The following SLC44A1 variants were observed in gnomAD, a reference collection of about 807,000 sequenced individuals.
SLC44A1 encodes solute carrier family 44 member 1.
Under a neutral mutation model 79.3 loss-of-function variants are expected in SLC44A1, and 26 were observed. The ratio of observed to expected loss-of-function variants is 0.33; its 90% confidence interval spans 0.24 to 0.46. SLC44A1 has a LOEUF of 0.46. Among genes scored for constraint, SLC44A1 ranks in the 20% least tolerant of loss-of-function variants. The pLI is 1.00. For synonymous variants in SLC44A1, 263 were observed against 286.2 expected (o/e 0.92, Z 0.82); for missense variants, 688 against 798.1 (o/e 0.86, Z 1.66).
rs907682203 is a variant in SLC44A1, at chr9:105,303,694, G to A, written c.126+4385G>A. Among the ~76,000 whole-genome samples the A allele has an allele frequency of 5.3e-5, 8 of 152,286 alleles. No homozygotes were observed. In the Middle Eastern group the frequency reaches 0.01, roughly 194 times the overall value. On this transcript the variant is annotated intron_variant, in intron 2 of 15. Transcript: ENST00000374720. ...GCAGCACTGAACCCAGAAGAGAAGA[G>A]GTAGAAGGGGAGGCCTCAAGAGGTA...
Position 105,362,389 on chromosome 9 carries a change from G to A in SLC44A1, c.901-432G>A, listed in dbSNP as rs184751624. 3.5e-3 allele frequency among the ~76,000 whole-genome samples: 532 copies of A among 152,304 alleles called. 1 individual carries two copies. The highest frequency in any genetic ancestry group is 6.1e-3 in the Non-Finnish European group (416 of 68,034). ...CTGTGCCAGCTGCTGAAGATGGGATGTGGGGGTGGGAGGAGGCAAAGGGTG... is the reference window on the plus strand; with the variant it reads ...CTGTGCCAGCTGCTGAAGATGGGATATGGGGGTGGGAGGAGGCAAAGGGTG... On this transcript the variant is annotated intron_variant, in intron 8 of 15. Transcript: ENST00000374720.
chr9:105,329,869 GCCT>G (rs1339809970), intron 3 of SLC44A1, among the ~76,000 whole-genome samples: 1 of 151,938 alleles, frequency 6.6e-6, no homozygotes, highest in Non-Finnish European at 1.5e-5. Flanking sequence ...CTTAGATACT[GCCT>G]CCTCCTCCTT....
rs529545952 is a variant in SLC44A1, at chr9:105,323,889, C to T, written c.270-11674C>T. Among the ~76,000 whole-genome samples, 21 of 152,340 alleles carry T rather than the reference C, an allele frequency of 1.4e-4. No homozygotes were observed. In the South Asian group the frequency reaches 4.1e-3, roughly 30 times the overall value. ...TAATTCTAAACTTTCCCCACTCTCA[C>T]CATGGTCTTCTGTCCTTCCATCTTG... On this transcript the variant is annotated intron_variant, in intron 3 of 15. Transcript: ENST00000374720.
intron 3 of SLC44A1, among the ~76,000 whole-genome samples, chr9:105,330,308 A>G (rs1192494220): frequency 6.6e-6 from 1 of 152,194 alleles, no homozygotes; most frequent in African/African-American, 2.4e-5. Flanking sequence ...CTCACTTTAC[A>G]GTTTGAACTG....
At chr9:105,348,301 T>C in intron 4 of SLC44A1, 57 bp from the exon 5 acceptor site, 1 of 878,124 alleles carries the variant, frequency 1.1e-6, no homozygotes, top group South Asian at 1.5e-5. Context: ...TTAAAATGAA[T>C]AGTAAGAGAA....
At chr9:105,371,773 G>T (rs975524160) in intron 12 of SLC44A1, among the ~76,000 whole-genome samples, 2 of 150,818 alleles carry the variant, frequency 1.3e-5, no homozygotes, top group African/African-American at 2.5e-5. Context: ...GCCTGCAGGT[G>T]GTAGGTTGAC....
At chr9:105,361,728 CTT>C (rs1235294537) in intron 8 of SLC44A1, among the ~76,000 whole-genome samples, 3 of 152,154 alleles carry the variant, frequency 2.0e-5, no homozygotes, top group Non-Finnish European at 4.4e-5. Flanking sequence ...GTCTTTCAAA[CTT>C]TTCATTTAAC....
chr9:105,436,365 T>G (rs1829463999), intron 15 of SLC44A1, among the ~76,000 whole-genome samples: 2 of 152,184 alleles, frequency 1.3e-5, no homozygotes, highest in Non-Finnish European at 2.9e-5. Context: ...GTCCTGTTAT[T>G]TTCAGTAAAG....
In SLC44A1 at chr9:105,358,400, A is replaced by G; in HGVS notation, c.727A>G (p.Ile243Val). The change falls in exon 7 of 16, where the codon ATC becomes GTC. Residue 243 changes from isoleucine (I) to valine (V), a missense_variant. Coordinates refer to ENST00000374720, the MANE Select transcript of SLC44A1 (RefSeq NM_080546.5). The stretch of plus-strand genomic sequence containing the variant: ...GTATATATCAAGAGTACTTGTGTGG[A>G]TCTTAACGATTCTGGTCATACTCGG... ...IRYISRVLVW[I>V]LTILVILGSL... 1.9e-6 allele frequency: 3 copies of G among 1,602,474 alleles called. No individual in the cohort carries two copies. Among genetic ancestry groups the G allele is most frequent in the Non-Finnish European group, 2.6e-6 (3 of 1,169,652 alleles).
chr9:105,370,985 C>T (rs950376928), intron 12 of SLC44A1, among the ~76,000 whole-genome samples: 1 of 152,204 alleles, frequency 6.6e-6, no homozygotes, highest in African/African-American at 2.4e-5. Flanking sequence ...TTATGAATAA[C>T]TGGCTCATTA....
intron 14 of SLC44A1, among the ~76,000 whole-genome samples, chr9:105,385,062 A>G (rs1828588028): frequency 6.6e-6 from 1 of 152,200 alleles, no homozygotes; most frequent in Non-Finnish European, 1.5e-5. Flanking sequence ...GTTTCATTTA[A>G]CCTTGATATA....
At chr9:105,301,656 G>C (rs1197938888) in intron 2 of SLC44A1, among the ~76,000 whole-genome samples, 1 of 152,026 alleles carries the variant, frequency 6.6e-6, no homozygotes, top group East Asian at 1.9e-4. Flanking sequence ...ACTTTAGTAC[G>C]TGTATATATA....
intron 3 of SLC44A1, among the ~76,000 whole-genome samples, chr9:105,329,342 G>A (rs971556639): frequency 1.1e-4 from 17 of 152,314 alleles, no homozygotes; most frequent in African/African-American, 4.1e-4. Flanking sequence ...CTTTAGTGCT[G>A]CAGTGCTTCC....
chr9:105,314,113 A>G (rs969604892), intron 3 of SLC44A1, among the ~76,000 whole-genome samples: 13 of 152,270 alleles, frequency 8.5e-5, no homozygotes, highest in African/African-American at 2.4e-4. Context: ...GCTGTCTTCC[A>G]TATCAATTTG....
chr9:105,417,839 CAAAAA>C (rs146589405), intron 15 of SLC44A1, among the ~76,000 whole-genome samples: 2 of 57,908 alleles, frequency 3.5e-5, no homozygotes, highest in Admixed American at 2.1e-4. Context: ...CTCATCCCTA[CAAAAA>C]AAAAAAAAAA....
chr9:105,423,508 T>A (rs1489948762), intron 15 of SLC44A1, among the ~76,000 whole-genome samples: 1 of 152,310 alleles, frequency 6.6e-6, no homozygotes, highest in East Asian at 1.9e-4. Context: ...TGCACATTTT[T>A]ATCCAGCAAT....
rs192756881 is a variant in SLC44A1, at chr9:105,358,498, A to G, written c.760+65A>G. 140 of 848,378 alleles carry G rather than the reference A, an allele frequency of 1.7e-4. 3 individuals are homozygous for G. The Admixed American group carries it at 2.3e-3, about 14-fold the overall frequency. The allele number at this position is 848,378 out of a possible 1,614,324, so 52.6% of individuals were successfully genotyped here. A position where few individuals can be genotyped will look rare whatever the true frequency, so the allele number is the denominator to read the frequency against. ...AACTACTTTGGTAGAAAATAGAAAT[A>G]TAAAGAAGAAAATAAATTATATTTT... is the stretch of plus-strand genomic sequence containing the variant. On this transcript the variant is annotated intron_variant, in intron 7 of 15. Coordinates refer to ENST00000374720, the MANE Select transcript of SLC44A1 (RefSeq NM_080546.5).
chr9:105,392,111 A>G lies in SLC44A1; in HGVS notation c.*3055A>G, dbSNP rs939149668. ...CTTACCAGTGCATTAGTAATAAAAC[A>G]TTAGCAATTTAGCTAGAGCACTGAG... On this transcript the variant is annotated 3_prime_UTR_variant, in exon 16 of 16. Transcript: ENST00000374720. 2 of 985,450 alleles carry G rather than the reference A, an allele frequency of 2.0e-6. No individual in the cohort carries two copies. The highest frequency in any genetic ancestry group is 4.7e-5 in the South Asian group (1 of 21,290). The allele number at this position is 985,450 out of a possible 1,614,324, so 61.0% of individuals were successfully genotyped here. A position where few individuals can be genotyped will look rare whatever the true frequency, so the allele number is the denominator to read the frequency against.
chr9:105,293,522 A>C (rs1830650648), intron 1 of SLC44A1, among the ~76,000 whole-genome samples: 1 of 152,116 alleles, frequency 6.6e-6, no homozygotes, highest in Admixed American at 6.5e-5. Context: ...TGCTTGTCTG[A>C]TCTTTTGATA....
Sources: gnomAD v4.1 joint callset for allele counts (sites outside exome capture counted in the v4.1 genomes callset) on GRCh38, gnomAD v4.1.1 for gene constraint, MANE v1.5 for transcripts, NCBI Gene and HGNC (gene_info 2026-07-23, HGNC 2026-07-21) for gene names.